Variants in EYS observed in about 807,000 individuals in gnomAD.
EYS encodes the protein EGF-like photoreceptor maintenance factor.
EYS carries 250 observed loss-of-function variants against 282.1 expected under a neutral mutation model. The observed-to-expected ratio is 0.89, with a 90% CI of 0.80 to 0.98. The LOEUF (loss-of-function observed/expected upper bound fraction) is 0.98, where lower values mean the gene tolerates loss of function less well. Among genes scored for constraint, EYS ranks in the 50% least tolerant of loss-of-function variants. The pLI, the probability that EYS is intolerant of heterozygous loss-of-function variation, is 0.00. For missense variants in EYS, 4,016 were observed against 3,709.0 expected (o/e 1.08, Z -2.15); for synonymous variants, 1,355 against 1,282.9 (o/e 1.06, Z -1.20).
intron 26 of EYS, among the ~76,000 whole-genome samples, chr6:64,470,068 A>AG (rs776911876): frequency 2.7e-4 from 41 of 151,466 alleles, no homozygotes; most frequent in Admixed American, 1.6e-3. Flanking sequence ...GATGGCTCAC[A>AG]CTCCTTATCC....
At chr6:65,335,430 C>T (rs545466240) in intron 10 of EYS, among the ~76,000 whole-genome samples, 22 of 151,846 alleles carry the variant, frequency 1.4e-4, no homozygotes, top group African/African-American at 5.1e-4. Flanking sequence ...ACAACCAAGG[C>T]CACCATAACC....
chr6:63,860,448 G>C (rs1304424475), intron 36 of EYS, among the ~76,000 whole-genome samples: 1 of 152,160 alleles, frequency 6.6e-6, no homozygotes, highest in African/African-American at 2.4e-5. Context: ...ATGTCTTGTA[G>C]GGAAACCTTC....
chr6:65,518,398 TACA>T (rs1185392294), intron 2 of EYS, among the ~76,000 whole-genome samples: 8 of 152,132 alleles, frequency 5.3e-5, no homozygotes, highest in South Asian at 4.1e-4. Context: ...ATTTCACTAG[TACA>T]ACAAGTTGGC....
intron 36 of EYS, among the ~76,000 whole-genome samples, chr6:63,835,982 CA>C (rs1416413715): frequency 8.6e-5 from 13 of 151,980 alleles, no homozygotes; most frequent in South Asian, 4.1e-4. Flanking sequence ...CATCTGTTGG[CA>C]GACATTTGAG....
At chr6:65,558,604 T>G (rs1697997176) in intron 2 of EYS, among the ~76,000 whole-genome samples, 1 of 152,194 alleles carries the variant, frequency 6.6e-6, no homozygotes, top group South Asian at 2.1e-4. Context: ...CTGGCTTCCA[T>G]GTAGTAGCTG....
chr6:63,832,256 C>CA (rs886567926), intron 36 of EYS, among the ~76,000 whole-genome samples: 4 of 151,964 alleles, frequency 2.6e-5, no homozygotes, highest in Non-Finnish European at 5.9e-5. Context: ...AAAAACCCTT[C>CA]AAAAAATCAA....
chr6:65,218,232 T>C (rs1474811503), intron 12 of EYS, among the ~76,000 whole-genome samples: 1 of 152,098 alleles, frequency 6.6e-6, no homozygotes, highest in African/African-American at 2.4e-5. Context: ...GAAAGTGTTT[T>C]ATTTCTGACT....
At chr6:64,822,620 T>C (rs1168240748) in intron 20 of EYS, 31 bp downstream of exon 20, 3 of 1,477,576 alleles carry the variant, frequency 2.0e-6, no homozygotes, top group Non-Finnish European at 9.0e-7. Context: ...AAATATACTT[T>C]CATAAAGCTA....
intron 22 of EYS, among the ~76,000 whole-genome samples, chr6:64,654,898 C>A (rs969467767): frequency 4.6e-5 from 7 of 152,254 alleles, no homozygotes; most frequent in African/African-American, 1.7e-4. Flanking sequence ...ATTCATATAG[C>A]AAACAGTTTA....
intron 41 of EYS, among the ~76,000 whole-genome samples, chr6:63,735,069 G>T (rs897451633): frequency 6.6e-6 from 1 of 152,186 alleles, no homozygotes; most frequent in South Asian, 2.1e-4. Context: ...CTTGCTCAAA[G>T]CTATGATTCA....
chr6:63,727,706 CAAAAA>C (rs1169878020), intron 41 of EYS, among the ~76,000 whole-genome samples: 17 of 9,522 alleles, frequency 1.8e-3, no homozygotes, highest in Admixed American at 5.5e-3. Flanking sequence ...CACCATCTCT[CAAAAA>C]AAAAAAAAAA....
In EYS at chr6:64,912,484, C is replaced by T. The variant is rs1768029780; in HGVS notation, c.2641G>A (p.Glu881Lys). Residue 881 changes from glutamate (E) to lysine (K), a missense_variant and splice_region_variant, in exon 16 of 43, where the codon GAA (glutamate) becomes AAA (lysine). Physicochemically the swap from Glu to Lys is moderately conservative, Grantham distance 56 (BLOSUM62 1). Coordinates refer to ENST00000503581, the MANE Select transcript of EYS (RefSeq NM_001142800.2). ...CAATAAAATCCATATTAGCTCTTACCTTCTCTACAAATACAATGCTGATTT... is the reference window on the plus strand; with the variant it reads ...CAATAAAATCCATATTAGCTCTTACTTTCTCTACAAATACAATGCTGATTT... Reference protein sequence around the residue: ...DANQHCICREEFEGKNCEIDV... With the variant: ...DANQHCICREKFEGKNCEIDV... 6.4e-7 allele frequency: 1 copy of T among 1,550,614 alleles called. No individual in the cohort carries two copies. The highest frequency in any genetic ancestry group is 1.4e-5 in the African/African-American group (1 of 73,116).
chr6:65,291,757 A>G (rs190942786), intron 12 of EYS, among the ~76,000 whole-genome samples: 1 of 151,600 alleles, frequency 6.6e-6, no homozygotes, highest in Admixed American at 6.6e-5. Context: ...GTTGCTTCAA[A>G]GATGAGGCTC....
At chr6:65,179,577 C>CA in intron 12 of EYS, among the ~76,000 whole-genome samples, 1 of 151,390 alleles carries the variant, frequency 6.6e-6, no homozygotes, top group East Asian at 2.0e-4. Context: ...GCTTAGCAAC[C>CA]AAAAAAAGTC....
chr6:64,035,906 G>A (rs185429426), intron 33 of EYS, among the ~76,000 whole-genome samples: 140 of 152,164 alleles, frequency 9.2e-4, no homozygotes, highest in Non-Finnish European at 1.5e-3. Flanking sequence ...ATTAAAATTG[G>A]ATTCTGGGCT....
chr6:65,196,994 C>A (rs1765783059), intron 12 of EYS, among the ~76,000 whole-genome samples: 1 of 151,976 alleles, frequency 6.6e-6, no homozygotes. Context: ...CTGTAGAACA[C>A]TTTTTGGAAG....
intron 13 of EYS, among the ~76,000 whole-genome samples, chr6:65,051,755 C>T (rs1475145905): frequency 6.6e-6 from 1 of 151,410 alleles, no homozygotes; most frequent in African/African-American, 2.4e-5. Flanking sequence ...ACCGCATGAT[C>T]CCACTTATGT....
At position 65,399,030 on chromosome 6, in the gene EYS, C is replaced by T. The variant is rs140931801; in HGVS notation, c.1184+3448G>A. 4.1e-3 allele frequency among the ~76,000 whole-genome samples: 622 copies of T among 152,196 alleles called. 5 individuals carry two copies. The highest frequency in any genetic ancestry group is 0.014 in the African/African-American group (589 of 41,556). On this transcript the variant is annotated intron_variant, in intron 7 of 42. Transcript: ENST00000503581. ...TTCCAGATCTGATCCTTAATTACCA[C>T]CATCGCGAGTCATCTTGATGGCAGT...
chr6:64,523,202 T>C, intron 26 of EYS, among the ~76,000 whole-genome samples: 1 of 151,900 alleles, frequency 6.6e-6, no homozygotes, highest in South Asian at 2.1e-4. Context: ...AAAACCAATG[T>C]GCTCAGAGAA....
Sources: gnomAD v4.1 joint callset for allele counts (sites outside exome capture counted in the v4.1 genomes callset) on GRCh38, gnomAD v4.1.1 for gene constraint, MANE v1.5 for transcripts, NCBI Gene and HGNC (gene_info 2026-07-23, HGNC 2026-07-21) for gene names.